TBC1D2B: variants seen among roughly 807,000 people sequenced by gnomAD.
TBC1D2B encodes the protein TBC1 domain family, member 2B.
Under a neutral mutation model 100.8 loss-of-function variants are expected in TBC1D2B, and 64 were observed. The ratio of observed to expected loss-of-function variants is 0.64; its 90% CI spans 0.52 to 0.78. The LOEUF (loss-of-function observed/expected upper bound fraction) is 0.78, where lower values mean the gene tolerates loss of function less well. TBC1D2B is among the 30% of genes least tolerant of loss of function. The pLI is 0.00. For missense variants in TBC1D2B, 1,052 were observed against 1,218.4 expected, an observed-to-expected ratio of 0.86 and a Z score of 2.03; for synonymous variants, 480 against 479.7, an observed-to-expected ratio of 1.00 and a Z score of -0.01.
intron 10 of TBC1D2B, among the ~76,000 whole-genome samples, chr15:78,007,527 C>A (rs1018722280): frequency 1.3e-5 from 2 of 152,158 alleles, no homozygotes; most frequent in Non-Finnish European, 2.9e-5. Context: ...ATGTGAGGAG[C>A]ACAGGCGGGA....
chr15:78,036,202 T>C (rs555063515), intron 3 of TBC1D2B, among the ~76,000 whole-genome samples: 1 of 152,324 alleles, frequency 6.6e-6, no homozygotes, highest in South Asian at 2.1e-4. Flanking sequence ...TAAAAGGACT[T>C]TCATTTTTAA....
intron 6 of TBC1D2B, among the ~76,000 whole-genome samples, chr15:78,018,947 T>C (rs957616943): frequency 4.6e-5 from 7 of 152,138 alleles, no homozygotes; most frequent in African/African-American, 1.7e-4. Context: ...TCCCCCAGCT[T>C]CTGTTTCTCT....
At chr15:78,035,924 C>A (rs1456557253) in intron 3 of TBC1D2B, among the ~76,000 whole-genome samples, 1 of 152,202 alleles carries the variant, frequency 6.6e-6, no homozygotes, top group Non-Finnish European at 1.5e-5. Flanking sequence ...AGGGGCATGG[C>A]AGGTGGCCCT....
At chr15:78,049,760 G>A (rs1034798877) in intron 2 of TBC1D2B, among the ~76,000 whole-genome samples, 2 of 151,784 alleles carry the variant, frequency 1.3e-5, no homozygotes, top group African/African-American at 2.4e-5. Context: ...AGGCTCCTCC[G>A]AGACAGAACT....
intron 4 of TBC1D2B, among the ~76,000 whole-genome samples, chr15:78,027,191 C>T (rs2072693077): frequency 6.6e-6 from 1 of 152,090 alleles, no homozygotes; most frequent in South Asian, 2.1e-4. Flanking sequence ...CAGGCAGAAC[C>T]AACCTGCACT....
Position 78,044,900 on chromosome 15 carries a change from T to C in TBC1D2B, c.683A>G (p.Lys228Arg). ...CATATGCTGCTTTCTAAAGACTCAC[T>C]TGAGCTCATTGCCCCACTGTTTCAA... Reference protein sequence around the residue: ...YSLKQWGNELKNSMSSFRPGR... With the variant: ...YSLKQWGNELRNSMSSFRPGR... Residue 228 changes from lysine (K) to arginine (R), a missense_variant and splice_region_variant, in exon 3 of 13, where the codon AAG becomes AGG. Lys to Arg is a conservative substitution (Grantham distance 26, BLOSUM62 2). This residue lies in a region of TBC1D2B where 627 missense variants were observed against 646.1 expected (regional missense o/e 0.97). Coordinates refer to ENST00000300584, the MANE Select transcript of TBC1D2B (RefSeq NM_144572.2). 3.1e-6 allele frequency: 5 copies of C among 1,607,560 alleles called. No homozygotes were observed. The highest frequency in any genetic ancestry group is 2.2e-5 in the East Asian group (1 of 44,744).
At chr15:78,068,585 G>A (rs899472400) in intron 1 of TBC1D2B, among the ~76,000 whole-genome samples, 7 of 152,308 alleles carry the variant, frequency 4.6e-5, no homozygotes, top group African/African-American at 1.7e-4. Flanking sequence ...TAGACCAGGA[G>A]CAAAACCATC....
In TBC1D2B at chr15:78,054,178, G is replaced by A. The variant is rs763094508; in HGVS notation, c.370C>T (p.Arg124Cys). Residue 124 changes from arginine to cysteine, a missense_variant, in exon 2 of 13, where the codon CGT becomes TGT. Around this residue, in one of 4 missense-constraint regions of TBC1D2B, gnomAD observed 627 missense variants for 646.1 expected, o/e 0.97. Transcript: ENST00000300584. Reference protein sequence around the residue: ...GAVTVLKAPNRQLMTYWLQEL... With the variant: ...GAVTVLKAPNCQLMTYWLQEL... ...TGTAACCAGTAAGTCATGAGTTGAC[G>A]ATTGGGAGCCTAGAAAGAGGGAGGG... The A allele has an allele frequency of 1.4e-5, 22 of 1,609,468 alleles. No individual in the cohort carries two copies. The highest frequency in any genetic ancestry group is 1.7e-5 in the Admixed American group (1 of 58,764).
At chr15:78,023,229 G>A (rs1478361640) in intron 6 of TBC1D2B, among the ~76,000 whole-genome samples, 1 of 152,196 alleles carries the variant, frequency 6.6e-6, no homozygotes, top group Non-Finnish European at 1.5e-5. Flanking sequence ...TTTGCAAGAT[G>A]AGGGTGGCCA....
At chr15:78,031,574 A>AAAAAAAG (rs1452770906) in intron 3 of TBC1D2B, among the ~76,000 whole-genome samples, 28 of 147,582 alleles carry the variant, frequency 1.9e-4, no homozygotes, top group Non-Finnish European at 2.4e-4. Context: ...AAAAAAAAAA[A>AAAAAAAG]AGAGAGAGAG....
intron 6 of TBC1D2B, among the ~76,000 whole-genome samples, chr15:78,022,162 T>C (rs966377831): frequency 9.2e-5 from 14 of 152,170 alleles, no homozygotes; most frequent in African/African-American, 3.4e-4. Context: ...AGTTCAAGAC[T>C]AGCCCAGGCA....
intron 2 of TBC1D2B, among the ~76,000 whole-genome samples, chr15:78,053,100 C>T (rs1296278260): frequency 6.6e-6 from 1 of 152,188 alleles, no homozygotes; most frequent in Non-Finnish European, 1.5e-5. Context: ...ACGAAAAATT[C>T]ATCTAAGAAT....
In TBC1D2B at chr15:78,042,737, G is replaced by A. The variant is rs116834813; in HGVS notation, c.683+2163C>T. 7.9e-3 allele frequency among the ~76,000 whole-genome samples: 1,198 copies of A among 152,294 alleles called. 18 individuals are homozygous for A. The highest frequency in any genetic ancestry group is 0.027 in the African/African-American group (1,135 of 41,550). On this transcript the variant is annotated intron_variant, in intron 3 of 12. Transcript: ENST00000300584. ...ATGAAGAGGAAGGCACAGAATGGCC[G>A]GAACACAGAGGCTCACAAAGTGCTA...
At chr15:77,998,426 G>A in intron 12 of TBC1D2B, 71 bp from the exon 13 acceptor site, 1 of 1,411,022 alleles carries the variant, frequency 7.1e-7, no homozygotes, top group South Asian at 1.4e-5. Context: ...AGCCCTCACA[G>A]GCATAGCAGG....
chr15:78,031,835 G>A (rs905559089), intron 3 of TBC1D2B, among the ~76,000 whole-genome samples: 36 of 152,122 alleles, frequency 2.4e-4, no homozygotes, highest in African/African-American at 8.4e-4. Context: ...CATGGTTTTT[G>A]GATATTGGCC....
At chr15:78,034,470 C>CT (rs766301065) in intron 3 of TBC1D2B, 11 of 984,698 alleles carry the variant, frequency 1.1e-5, no homozygotes, top group Non-Finnish European at 1.3e-5. Context: ...TTAAATTCTC[C>CT]TTACCATTTG....
chr15:78,038,361 T>C (rs62011509), intron 3 of TBC1D2B, among the ~76,000 whole-genome samples: 8,143 of 152,250 alleles, frequency 0.053, 278 homozygotes, highest in Middle Eastern at 0.13. Context: ...AAGGCTTCTC[T>C]GAAGAATGAG....
chr15:78,032,425 T>A (rs62011482), intron 3 of TBC1D2B, among the ~76,000 whole-genome samples: 8,107 of 151,242 alleles, frequency 0.054, 273 homozygotes, highest in Middle Eastern at 0.13. Flanking sequence ...AAAATATATA[T>A]ATATATATCC....
intron 12 of TBC1D2B, among the ~76,000 whole-genome samples, chr15:77,999,746 T>C (rs539294730): frequency 6.6e-5 from 10 of 152,298 alleles, no homozygotes; most frequent in Admixed American, 2.0e-4. Context: ...TCTTCATTTG[T>C]TCCTCAGTCA....
Sources: gnomAD v4.1 joint callset for allele counts (sites outside exome capture counted in the v4.1 genomes callset) on GRCh38, gnomAD v4.1.1 for gene constraint, gnomAD v4.1.1 regional missense constraint, MANE v1.5 for transcripts, NCBI Gene and HGNC (gene_info 2026-07-23, HGNC 2026-07-21) for gene names.